Variants in MCFD2 observed in about 807,000 individuals in gnomAD.
MCFD2 encodes multiple coagulation factor deficiency 2, ER cargo receptor complex subunit, also known as multiple coagulation factor deficiency protein 2.
Under a neutral mutation model 12.8 loss-of-function variants are expected in MCFD2, and 11 were observed. The ratio of observed to expected loss-of-function variants is 0.86; its 90% CI spans 0.54 to 1.42. The LOEUF is 1.42. MCFD2 is among the 40% of genes most tolerant of loss of function. MCFD2 has a pLI of 0.00. For synonymous variants in MCFD2, 70 were observed against 68.1 expected (o/e 1.03, Z -0.14); for missense variants, 191 against 178.6 (o/e 1.07, Z -0.40).
chr2:46,915,805 CGCCCCG>C (rs757693897), exon 1 of MCFD2: 1 of 366,116 alleles, frequency 2.7e-6, no homozygotes, highest in Non-Finnish European at 3.1e-6. Context: ...TCCTCGGCTT[CGCCCCG>C]CCCCCCCCCC....
rs1424251848 is a variant in MCFD2 at position 46,902,807 on chromosome 2, C to T, written c.*2656G>A. 1 of 152,212 alleles carries T rather than the reference C, an allele frequency of 6.6e-6. No homozygotes were observed. The highest frequency in any genetic ancestry group is 1.5e-5 in the Non-Finnish European group (1 of 68,038). 9.4% of individuals were successfully genotyped at this position (152,212 alleles called of 1,614,324 possible). On this transcript the variant is annotated 3_prime_UTR_variant, in exon 4 of 4. Transcript: ENST00000319466. Reference sequence around the variant, plus strand: ...TTTACAGAATACTGACCATGTTTGCCTGAAGAGATAGGAACCACCAGGGCA... The same window carrying T: ...TTTACAGAATACTGACCATGTTTGCTTGAAGAGATAGGAACCACCAGGGCA...
At chr2:46,915,918 C>T (rs1042982238), upstream of MCFD2, 77 of 985,062 alleles carry the variant, frequency 7.8e-5, no homozygotes, top group African/African-American at 4.2e-4. Flanking sequence ...GAGGACGGCT[C>T]GCGTGAGTCC....
intron 1 of MCFD2, among the ~76,000 whole-genome samples, chr2:46,935,488 T>C (rs1669933998): frequency 6.6e-6 from 1 of 152,220 alleles, no homozygotes; most frequent in Non-Finnish European, 1.5e-5. Context: ...TTCCAGACAC[T>C]GCTATGACTC....
upstream of MCFD2, chr2:46,915,806 G>GGGGGGGGGGGGGGCCCCC: frequency 3.9e-6 from 2 of 512,580 alleles, no homozygotes; most frequent in Non-Finnish European, 4.3e-6. Flanking sequence ...CCTCGGCTTC[G>GGGGGGGGGGGGGGCCCCC]CCCCGCCCCC....
Position 46,909,016 on chromosome 2 carries a change from T to G in MCFD2, c.149+7A>C. 6.2e-7 allele frequency: 1 copy of G among 1,614,184 alleles called. No individual in the cohort carries two copies. The highest frequency in any genetic ancestry group is 8.5e-7 in the Non-Finnish European group (1 of 1,180,012). ...CCACTGGACCACAGCCCGGGCTGAA[T>G]ACGTACTCTTGGTCGTGCACTGTGT... On this transcript the variant is annotated splice_region_variant and intron_variant, in intron 2 of 3. Coordinates refer to ENST00000319466, the MANE Select transcript of MCFD2 (RefSeq NM_139279.6).
chr2:46,929,147 G>C (rs954456788), intron 1 of MCFD2, among the ~76,000 whole-genome samples: 4 of 152,070 alleles, frequency 2.6e-5, no homozygotes, highest in African/African-American at 9.7e-5. Flanking sequence ...TGGGGCAATA[G>C]AGTGGGACTC....
chr2:46,905,275 T>TTAGA lies in MCFD2; in HGVS notation c.*184_*187dup. ...GGTATTTAATAGCACTTAGGGACTA[T>TTAGA]TAGATGTCCCATTTCTCTTCTCTTT... On this transcript the variant is annotated 3_prime_UTR_variant, in exon 4 of 4. Coordinates refer to ENST00000319466, the MANE Select transcript of MCFD2 (RefSeq NM_139279.6). The TTAGA allele has an allele frequency of 3.0e-6, 2 of 658,288 alleles. No homozygotes were observed. The highest frequency in any genetic ancestry group is 3.3e-5 in the South Asian group (2 of 59,914). The allele number at this position is 658,288 out of a possible 1,614,324, so 40.8% of individuals were successfully genotyped here.
At position 46,931,820 on chromosome 2, in the gene MCFD2, C is replaced by A. The variant is rs1323424032; in HGVS notation, c.-8+9752G>T. Among the ~76,000 whole-genome samples the A allele has an allele frequency of 2.0e-5, 3 of 152,178 alleles. No individual in the cohort carries two copies. The East Asian group carries it at 5.8e-4, about 29-fold the overall frequency. ...TTTAGTTCATAAGACCTACTTTGGA[C>A]TTCTGACCTCAGGAATTTTAAGATA... On this transcript the variant is annotated intron_variant, in intron 1 of 2. Coordinates refer to the MCFD2 transcript ENST00000409147.
chr2:46,919,755 A>G (rs2103797332), upstream of MCFD2, among the ~76,000 whole-genome samples: 1 of 152,338 alleles, frequency 6.6e-6, no homozygotes, highest in South Asian at 2.1e-4. Context: ...AGTAGAGGAA[A>G]AAACAAGGGT....
In MCFD2 at chr2:46,940,337, GT is replaced by G. The variant is rs1283879072; in HGVS notation, c.-8+1234del. Among the ~76,000 whole-genome samples, 2 of 152,178 alleles carry G rather than the reference GT, an allele frequency of 1.3e-5. No individual in the cohort carries two copies. The highest frequency in any genetic ancestry group is 4.8e-5 in the African/African-American group (2 of 41,452). ...ACAATGTGTCACTTAAATGCCGGTG[GT>G]TTTTGGTTTCGGGTCTTGCTGTGGC... is the stretch of plus-strand genomic sequence containing the variant. On this transcript the variant is annotated intron_variant, in intron 1 of 2. Transcript: ENST00000409147. This position sits in a 1 kb window ranked among gnomAD's most constrained non-coding sequence, Gnocchi z 4.7.
At position 46,907,964 on chromosome 2, in the gene MCFD2, A is replaced by G; in HGVS notation, c.155T>C (p.Ile52Thr). The stretch of plus-strand genomic sequence containing the variant: ...GATGACACCTTCTAGATGCTCCATG[A>G]TATGCCTAAAAATCAACAGTCAGGT... ...DKNTVHDQEHIMEHLEGVINK... is the reference protein window; with the variant it reads ...DKNTVHDQEHTMEHLEGVINK... Residue 52 changes from isoleucine (I) to threonine (T), a missense_variant, in exon 3 of 4, where the codon ATC becomes ACC. By Grantham distance (89) the Ile-to-Thr change is moderately conservative. Transcript: ENST00000319466. This position sits in a 1 kb window ranked among gnomAD's most constrained non-coding sequence, Gnocchi z 4.1. 1 of 1,614,188 alleles carries G rather than the reference A, an allele frequency of 6.2e-7. No homozygotes were observed. Among genetic ancestry groups the G allele is most frequent in the Non-Finnish European group, 8.5e-7 (1 of 1,180,042 alleles).
At chr2:46,936,859 A>T (rs1427420552) in intron 1 of MCFD2, among the ~76,000 whole-genome samples, 3 of 142,856 alleles carry the variant, frequency 2.1e-5, no homozygotes, top group Admixed American at 1.4e-4. Flanking sequence ...AGGATTCCAA[A>T]TTTTTTTTTT....
At chr2:46,911,484 T>A (rs1668484568) in intron 1 of MCFD2, among the ~76,000 whole-genome samples, 1 of 151,504 alleles carries the variant, frequency 6.6e-6, no homozygotes, top group African/African-American at 2.4e-5. Flanking sequence ...ATGTCATACT[T>A]AATAGGAAAG....
rs1364154086 is a variant in MCFD2 at position 46,903,416 on chromosome 2, G to C, written c.*2047C>G. 2 of 152,726 alleles carry C rather than the reference G, an allele frequency of 1.3e-5. No homozygotes were observed. Among genetic ancestry groups the C allele is most frequent in the African/African-American group, 2.4e-5 (1 of 41,460 alleles). The allele number at this position is 152,726 out of a possible 1,614,324, so 9.5% of individuals were successfully genotyped here. A position where few individuals can be genotyped will look rare whatever the true frequency, so the allele number is the denominator to read the frequency against. ...ATACCCAAAATGTGGAAGTGACTTT[G>C]GAACTGGGTAACAGGCAGAGGCTGG... is the stretch of plus-strand genomic sequence containing the variant. On this transcript the variant is annotated 3_prime_UTR_variant, in exon 4 of 4. Transcript: ENST00000319466.
At chr2:46,917,346 T>G (rs1668864364), upstream of MCFD2, 1 of 603,870 alleles carries the variant, frequency 1.7e-6, no homozygotes, top group African/African-American at 1.9e-5. Context: ...AGACCCATTC[T>G]TCTTTCCTTA....
At chr2:46,934,787 C>CTTTTTTTTTTTTTTTTT (rs1161003607) in intron 1 of MCFD2, among the ~76,000 whole-genome samples, 14 of 66,888 alleles carry the variant, frequency 2.1e-4, no homozygotes, top group Non-Finnish European at 3.2e-4. Context: ...GACTACTGCT[C>CTTTTTTTTTTTTTTTTT]TTTTTTTTTT....
intron 1 of MCFD2, among the ~76,000 whole-genome samples, chr2:46,932,815 C>T (rs1368926660): frequency 6.7e-6 from 1 of 149,762 alleles, no homozygotes; most frequent in Non-Finnish European, 1.5e-5. Context: ...GCAGGAGGAT[C>T]GCTTGAACCC....
At chr2:46,923,593 C>A (rs139776269) in intron 1 of MCFD2, among the ~76,000 whole-genome samples, 12 of 152,280 alleles carry the variant, frequency 7.9e-5, no homozygotes, top group Non-Finnish European at 1.5e-4. Context: ...TTGCAGTCTC[C>A]ATTAAAACTC....
At position 46,908,455 on chromosome 2, in the gene MCFD2, G is replaced by T; in HGVS notation, c.150-486C>A. 1 of 268,228 alleles carries T rather than the reference G, an allele frequency of 3.7e-6. No homozygotes were observed. The highest frequency in any genetic ancestry group is 7.2e-6 in the Non-Finnish European group (1 of 138,212). The allele number at this position is 268,228 out of a possible 1,614,324, so 16.6% of individuals were successfully genotyped here. ...TTTTGCAATTTTTTAGTAGAGACAG[G>T]TTTTCCCTATATTGCCTAGGCTGGT... On this transcript the variant is annotated intron_variant, in intron 2 of 3. Transcript: ENST00000319466. The surrounding 1 kb of genome is among the most constrained non-coding windows in gnomAD (Gnocchi z 4.5).
Sources: gnomAD v4.1 joint callset for allele counts (sites outside exome capture counted in the v4.1 genomes callset) on GRCh38, gnomAD v4.1.1 for gene constraint, Gnocchi (gnomAD v3.1) non-coding constraint, MANE v1.5 for transcripts, NCBI Gene and HGNC (gene_info 2026-07-23, HGNC 2026-07-21) for gene names.